The following PTK2 variants were observed in gnomAD, a reference collection of about 807,000 sequenced individuals.
PTK2 encodes the protein protein tyrosine kinase 2.
In PTK2, 45 loss-of-function variants were observed where a neutral mutation model predicts 150.1. The ratio of observed to expected loss-of-function variants is 0.30; its 90% CI spans 0.24 to 0.38. The LOEUF (loss-of-function observed/expected upper bound fraction) is 0.38. Ranked by LOEUF, PTK2 falls within the 10% of genes least tolerant of loss-of-function variation. The pLI, the probability that PTK2 is intolerant of heterozygous loss-of-function variation, is 1.00. For synonymous variants in PTK2, 432 were observed against 449.2 expected (o/e 0.96, Z 0.48); for missense variants, 919 against 1,307.3 (o/e 0.70, Z 4.58).
At chr8:140,901,675 T>C (rs62521902) in intron 2 of PTK2, among the ~76,000 whole-genome samples, 62,371 of 149,862 alleles carry the variant, frequency 0.42, 13,700 homozygotes, top group South Asian at 0.55. Flanking sequence ...TTAAATACTT[T>C]TAAGTTCTGG....
intron 21 of PTK2, among the ~76,000 whole-genome samples, chr8:140,738,131 T>C (rs758428325): frequency 3.3e-5 from 5 of 152,200 alleles, no homozygotes; most frequent in Non-Finnish European, 5.9e-5. Context: ...AGAGATAACA[T>C]GTCCACAAGT....
At chr8:140,943,075 C>T (rs1056926250) in intron 1 of PTK2, among the ~76,000 whole-genome samples, 7 of 152,100 alleles carry the variant, frequency 4.6e-5, no homozygotes, top group African/African-American at 7.2e-5. Context: ...CTGTACAGCC[C>T]GCAGAACAGT....
At chr8:140,789,329 T>C (rs2154579691) in intron 14 of PTK2, 145 bp downstream of exon 14, 3 of 674,456 alleles carry the variant, frequency 4.4e-6, no homozygotes, top group Admixed American at 2.9e-5. Context: ...TATTTAATGA[T>C]GGTAAAATTA....
At chr8:140,926,067 T>A (rs555386881) in intron 1 of PTK2, among the ~76,000 whole-genome samples, 120 of 152,300 alleles carry the variant, frequency 7.9e-4, no homozygotes, top group African/African-American at 2.7e-3. Context: ...AGAGGCCAGG[T>A]AACTTAAATT....
intron 4 of PTK2, among the ~76,000 whole-genome samples, chr8:140,867,142 C>T (rs1187723445): frequency 6.6e-6 from 1 of 151,950 alleles, no homozygotes; most frequent in Non-Finnish European, 1.5e-5. Context: ...GGTTCTTTCT[C>T]AATGAGAAAG....
chr8:140,668,597 C>T lies in PTK2; in HGVS notation c.2710-173G>A, dbSNP rs1423642913. ...TGAGAATGACAGTAAAGTAATTCCT[C>T]CAAGTGACAAATTAGGCAGTATTTT... On this transcript the variant is annotated intron_variant, in intron 29 of 31. Transcript: ENST00000522684. 1.5e-5 allele frequency: 10 copies of T among 654,276 alleles called. No individual in the cohort carries two copies. The East Asian group carries it at 2.5e-4, about 16-fold the overall frequency. 40.5% of individuals were successfully genotyped at this position (654,276 alleles called of 1,614,324 possible).
At chr8:140,689,459 C>G (rs2100021872) in intron 26 of PTK2, among the ~76,000 whole-genome samples, 1 of 152,200 alleles carries the variant, frequency 6.6e-6, no homozygotes, top group African/African-American at 2.4e-5. Flanking sequence ...CTAAATATAA[C>G]TCATGATCCA....
At chr8:140,866,946 G>C (rs778526111) in intron 4 of PTK2, among the ~76,000 whole-genome samples, 3 of 152,186 alleles carry the variant, frequency 2.0e-5, no homozygotes, top group Non-Finnish European at 4.4e-5. Context: ...TCTAAATAAA[G>C]GAGATGAGGA....
chr8:140,710,014 A>T (rs1054342664), intron 23 of PTK2, among the ~76,000 whole-genome samples: 7 of 152,162 alleles, frequency 4.6e-5, no homozygotes, highest in Non-Finnish European at 8.8e-5. Context: ...ACAAAAAGAT[A>T]AGTATAATAA....
intron 1 of PTK2, among the ~76,000 whole-genome samples, chr8:140,929,820 G>A (rs114514246): frequency 6.6e-6 from 1 of 151,710 alleles, no homozygotes; most frequent in Admixed American, 6.6e-5. Flanking sequence ...GTTTAAAATG[G>A]TATGTATTTT....
intron 3 of PTK2, among the ~76,000 whole-genome samples, chr8:140,883,517 G>C (rs1277468653): frequency 6.6e-6 from 1 of 152,102 alleles, no homozygotes; most frequent in African/African-American, 2.4e-5. Flanking sequence ...CATCATTACT[G>C]ATTCTTCTAT....
chr8:140,695,583 G>T (rs909608579), intron 26 of PTK2, among the ~76,000 whole-genome samples: 3 of 152,020 alleles, frequency 2.0e-5, no homozygotes, highest in Admixed American at 6.6e-5. Context: ...GCTAATTTTT[G>T]TATTTTTAGT....
At position 140,854,074 on chromosome 8, in the gene PTK2, T is replaced by C. The variant is rs564835265; in HGVS notation, c.451-7396A>G. ...CCTGGCACCTCACATGTTCCTATAG[T>C]TAAGTTTAGATTCTATACCATAGAG... On this transcript the variant is annotated intron_variant, in intron 5 of 31. Coordinates refer to ENST00000522684, the Ensembl canonical transcript of PTK2. 1.2e-3 allele frequency among the ~76,000 whole-genome samples: 184 copies of C among 152,354 alleles called. 1 individual carries two copies. The highest frequency in any genetic ancestry group is 2.1e-3 in the Non-Finnish European group (145 of 68,038).
At chr8:140,764,330 A>G in intron 14 of PTK2, 40 bp from the exon 17 acceptor site, 1 of 1,427,458 alleles carries the variant, frequency 7.0e-7, no homozygotes, top group Non-Finnish European at 9.9e-7. Flanking sequence ...GAGGTTAAAC[A>G]TCTGACCTCC....
chr8:140,878,077 C>G (rs1384031280), intron 4 of PTK2, among the ~76,000 whole-genome samples: 3 of 152,130 alleles, frequency 2.0e-5, no homozygotes, highest in Non-Finnish European at 2.9e-5. Context: ...CACAAAAACC[C>G]TGCAGGTATT....
In PTK2 at chr8:140,973,336, G is replaced by A. The variant is rs145261750; in HGVS notation, c.-122+27789C>T. ...GGCTTGACCTTTGGATGGGGCTGGA[G>A]AGTAAGCTCACCTATGATTCTCCAT... On this transcript the variant is annotated intron_variant, in intron 1 of 31. Transcript: ENST00000522684. Among the ~76,000 whole-genome samples the A allele has an allele frequency of 3.3e-5, 5 of 152,298 alleles. No individual in the cohort carries two copies. In the Middle Eastern group the frequency reaches 0.01, roughly 311 times the overall value.
At chr8:140,838,148 T>G (rs1387443037) in intron 7 of PTK2, among the ~76,000 whole-genome samples, 1 of 152,190 alleles carries the variant, frequency 6.6e-6, no homozygotes, top group Non-Finnish European at 1.5e-5. Flanking sequence ...TGCCGGAATC[T>G]AATAAATTAT....
At chr8:140,812,030 G>C (rs532959016) in intron 10 of PTK2, among the ~76,000 whole-genome samples, 35 of 152,316 alleles carry the variant, frequency 2.3e-4, no homozygotes, top group African/African-American at 7.7e-4. Context: ...AACCTAGCTA[G>C]AGAAGTCAAC....
At chr8:140,938,255 C>G (rs141271567) in intron 1 of PTK2, among the ~76,000 whole-genome samples, 1 of 152,178 alleles carries the variant, frequency 6.6e-6, no homozygotes, top group Non-Finnish European at 1.5e-5. Flanking sequence ...GACCCAGCCA[C>G]GTGCAGGTTT....
Sources: gnomAD v4.1 joint callset for allele counts (sites outside exome capture counted in the v4.1 genomes callset) on GRCh38, gnomAD v4.1.1 for gene constraint, MANE v1.5 for transcripts, NCBI Gene and HGNC (gene_info 2026-07-23, HGNC 2026-07-21) for gene names.